Variants in DHRS12 observed in about 807,000 individuals in gnomAD.
DHRS12 encodes the protein dehydrogenase/reductase SDR family member 12.
A neutral mutation model predicts 32.1 loss-of-function variants in DHRS12; 29 were observed. The observed-to-expected ratio is 0.90, with a 90% CI of 0.67 to 1.23. The LOEUF is 1.23. Among genes scored for constraint, DHRS12 ranks in the 50% most tolerant of loss-of-function variants. The probability of loss-of-function intolerance (pLI) is 0.00; values close to 1 mark genes in which losing one functional copy is unlikely to be tolerated. For synonymous variants in DHRS12, 150 were observed against 135.9 expected (o/e 1.10, Z -0.72); for missense variants, 330 against 337.2 (o/e 0.98, Z 0.17).
chr13:51,804,005 G>C (rs1008654322), intron 1 of DHRS12, 49 bp downstream of exon 1: 1 of 1,419,942 alleles, frequency 7.0e-7, no homozygotes, highest in East Asian at 3.1e-5. Flanking sequence ...CCGCGCCGAG[G>C]CGGGCCACGT....
At chr13:51,768,419 AC>A in intron 8 of DHRS12, 123 bp from the exon 9 acceptor site, 1 of 1,471,494 alleles carries the variant, frequency 6.8e-7, no homozygotes, top group Non-Finnish European at 9.0e-7. Flanking sequence ...CAGCTGTTAG[AC>A]CCCCATCCCT....
intron 4 of DHRS12, among the ~76,000 whole-genome samples, chr13:51,778,447 G>A (rs1403115749): frequency 6.6e-6 from 1 of 152,278 alleles, no homozygotes; most frequent in African/African-American, 2.4e-5. Context: ...ACCCTGGGTC[G>A]CTAACAGCTG....
Position 51,802,582 on chromosome 13 carries a change from G to T in DHRS12, c.-9+1472C>A, listed in dbSNP as rs1425629844. ...GGAGTCTGTTTAAAACTGCCCCAGG[G>T]AATTATTAGGTTCAGCAAAGTTTAG... On this transcript the variant is annotated intron_variant, in intron 1 of 8. Coordinates refer to ENST00000444610, the MANE Select transcript of DHRS12 (RefSeq NM_001377533.1). Among the ~76,000 whole-genome samples the T allele has an allele frequency of 3.3e-5, 5 of 152,164 alleles. No individual in the cohort carries two copies. In the East Asian group the frequency reaches 9.6e-4, roughly 29 times the overall value.
rs1429592906 is a variant in DHRS12, at chr13:51,771,591, C to T, written c.559+230G>A. 4 of 1,542,630 alleles carry T rather than the reference C, an allele frequency of 2.6e-6. No individual in the cohort carries two copies. The African/African-American group carries it at 5.5e-5, about 21-fold the overall frequency. On this transcript the variant is annotated intron_variant, in intron 7 of 8. Coordinates refer to ENST00000444610, the MANE Select transcript of DHRS12 (RefSeq NM_001377533.1). ...CAGGCGCACCTGCTCCCGTTCCCAC[C>T]ATCTCCTTCCCTGACTTGCACAGGG...
rs1221976366 is a variant in DHRS12 at position 51,782,537 on chromosome 13, G to C, written c.302-5416C>G. Among the ~76,000 whole-genome samples, 1 of 152,178 alleles carries C rather than the reference G, an allele frequency of 6.6e-6. No individual in the cohort carries two copies. Among genetic ancestry groups the C allele is most frequent in the Non-Finnish European group, 1.5e-5 (1 of 68,026 alleles). The stretch of plus-strand genomic sequence containing the variant: ...AGGGTCATAGGTGACCTCAGCATGA[G>C]AGTGGCCAAAGGTCAGGGAGATAAG... On this transcript the variant is annotated intron_variant, in intron 4 of 8. Transcript: ENST00000444610. The surrounding 1 kb of genome is among the most constrained non-coding windows in gnomAD (Gnocchi z 4.2).
At chr13:51,770,972 A>C in intron 7 of DHRS12, 2 of 1,347,164 alleles carry the variant, frequency 1.5e-6, no homozygotes, top group Non-Finnish European at 1.9e-6. Flanking sequence ...GATGAATTCC[A>C]AGGCTTCTGA....
At chr13:51,772,174 A>AC (rs1954056075) in intron 6 of DHRS12, among the ~76,000 whole-genome samples, 2 of 151,912 alleles carry the variant, frequency 1.3e-5, no homozygotes, top group South Asian at 2.1e-4. Flanking sequence ...TAGCAGGCCC[A>AC]CCCCCCATGA....
chr13:51,759,791 A>G, the DHRS12 span: 5 of 1,613,108 alleles, frequency 3.1e-6, no homozygotes, highest in Admixed American at 6.7e-5. Context: ...GGAATCAGAA[A>G]GATAGTATTT....
At position 51,769,360 on chromosome 13, in the gene DHRS12, A is replaced by AT. The variant is rs1446062693; in HGVS notation, c.560-68dup. 38 of 1,216,766 alleles carry AT rather than the reference A, an allele frequency of 3.1e-5. 1 individual carries two copies. The South Asian group carries it at 4.0e-4, about 13-fold the overall frequency. The allele number at this position is 1,216,766 out of a possible 1,614,324, so 75.4% of individuals were successfully genotyped here. Reference sequence around the variant, plus strand: ...CAGCAAATGTGGTTGACTTCCCTTAATTTAAAAAAAAAAAAAAGTGCAAAA... The same window carrying AT: ...CAGCAAATGTGGTTGACTTCCCTTAATTTTAAAAAAAAAAAAAAGTGCAAAA... On this transcript the variant is annotated intron_variant, in intron 7 of 8. Transcript: ENST00000444610.
At chr13:51,772,137 C>T (rs1033725776) in intron 6 of DHRS12, among the ~76,000 whole-genome samples, 1 of 152,134 alleles carries the variant, frequency 6.6e-6, no homozygotes, top group African/African-American at 2.4e-5. Context: ...AATGAGCTAA[C>T]GCAGCAAAAC....
chr13:51,770,585 TGA>T (rs774076572), intron 7 of DHRS12, among the ~76,000 whole-genome samples: 77 of 152,226 alleles, frequency 5.1e-4, no homozygotes, highest in Non-Finnish European at 8.5e-4. Flanking sequence ...ACTCCCAGGC[TGA>T]GTCTCCCCTA....
chr13:51,796,795 AG>A (rs1348712565), intron 2 of DHRS12, among the ~76,000 whole-genome samples: 1 of 152,200 alleles, frequency 6.6e-6, no homozygotes, highest in Non-Finnish European at 1.5e-5. Context: ...CAGACATTAG[AG>A]GAAGATTTAG....
At chr13:51,767,083 T>C (rs1431534913), downstream of DHRS12, 2 of 152,238 alleles carry the variant, frequency 1.3e-5, no homozygotes, top group African/African-American at 4.8e-5. Context: ...AGAAATGACT[T>C]CGGGGCAAAC....
chr13:51,766,126 A>G (rs1953740993), downstream of DHRS12: 1 of 152,250 alleles, frequency 6.6e-6, no homozygotes, highest in Non-Finnish European at 1.5e-5. Flanking sequence ...GTATGGCCAA[A>G]ACCCTAGCGT....
rs7986150 is a variant in DHRS12 at position 51,798,109 on chromosome 13, C to A, written c.126+1425G>T. ...TTATTGCCTACCTGTGCTGACAGTGCGTCTGGAATAACATCCTGATTTTTT... is the reference window on the plus strand; with the variant it reads ...TTATTGCCTACCTGTGCTGACAGTGAGTCTGGAATAACATCCTGATTTTTT... On this transcript the variant is annotated intron_variant, in intron 2 of 8. Transcript: ENST00000444610. Among the ~76,000 whole-genome samples, 483 of 152,244 alleles carry A rather than the reference C, an allele frequency of 3.2e-3. 2 individuals carry two copies. The highest frequency in any genetic ancestry group is 0.011 in the African/African-American group (451 of 41,532).
intron 8 of DHRS12, chr13:51,768,634 G>A: frequency 8.7e-7 from 1 of 1,146,256 alleles, no homozygotes; most frequent in Non-Finnish European, 1.1e-6. Flanking sequence ...CAAGAACAGA[G>A]GAAAGAGAAG....
intron 7 of DHRS12, chr13:51,770,651 G>A: frequency 1.8e-6 from 1 of 568,116 alleles, no homozygotes. Context: ...ACTCAGATCT[G>A]TACAGGTGAG....
At chr13:51,794,935 G>A (rs962347649) in intron 2 of DHRS12, among the ~76,000 whole-genome samples, 7 of 151,982 alleles carry the variant, frequency 4.6e-5, no homozygotes, top group African/African-American at 1.7e-4. Context: ...TGGGAGCATC[G>A]TGTCCAGTGG....
Position 51,790,088 on chromosome 13 carries a change from T to C in DHRS12, c.224A>G (p.Asn75Ser), listed in dbSNP as rs1235755724. 6.3e-6 allele frequency: 10 copies of C among 1,583,924 alleles called. No homozygotes were observed. The highest frequency in any genetic ancestry group is 8.5e-6 in the Non-Finnish European group (10 of 1,171,286). The part of the protein sequence containing the change: ...KQEHKLHVLI[N>S]NAGCMVNKRE... ...TTTATTGACCATGCAACCTGCATTA[T>C]TGATCTAAAATTTATAGTTCTCATT... The change falls in exon 4 of 9, where the codon AAT becomes AGT. Residue 75 changes from asparagine to serine, a missense_variant. Asn to Ser is a conservative substitution (Grantham distance 46). Transcript: ENST00000444610.
Sources: allele counts gnomAD v4.1 joint callset (sites outside exome capture counted in the v4.1 genomes callset), GRCh38; gene constraint gnomAD v4.1.1; non-coding constraint Gnocchi (gnomAD v3.1); transcripts MANE v1.5; gene names NCBI Gene and HGNC (gene_info 2026-07-23, HGNC 2026-07-21).